The following OLA1 variants were observed in gnomAD, a reference collection of about 807,000 sequenced individuals.
The protein encoded by OLA1 is Obg like ATPase 1.
In OLA1, 14 loss-of-function variants were observed where a neutral mutation model predicts 48.4. The ratio of observed to expected loss-of-function variants is 0.29; its 90% CI spans 0.19 to 0.45. The LOEUF is 0.45. Among genes scored for constraint, OLA1 ranks in the 20% least tolerant of loss-of-function variants. OLA1 has a pLI of 1.00. For synonymous variants in OLA1, 127 were observed against 150.4 expected, an observed-to-expected ratio of 0.84 and a Z score of 1.14; for missense variants, 325 against 467.1, an observed-to-expected ratio of 0.70 and a Z score of 2.80.
At chr2:174,144,944 AAAAAAAAATATATAT>A (rs1293623509) in intron 4 of OLA1, among the ~76,000 whole-genome samples, 4 of 76,344 alleles carry the variant, frequency 5.2e-5, no homozygotes, top group South Asian at 5.8e-4. Context: ...AAAAAAAAAA[AAAAAAAAATATATAT>A]ATATATATAT....
In OLA1 at chr2:174,141,962, T is replaced by G; in HGVS notation, c.412A>C (p.Ser138Arg). 1 of 1,613,286 alleles carries G rather than the reference T, an allele frequency of 6.2e-7. No individual in the cohort carries two copies. Among genetic ancestry groups the G allele is most frequent in the Non-Finnish European group, 8.5e-7 (1 of 1,179,754 alleles). Residue 138 changes from serine to arginine, a missense_variant, in exon 5 of 11, where the codon AGT becomes CGT. Ser to Arg is a moderately radical substitution (Grantham distance 110). Coordinates refer to ENST00000284719, the MANE Select transcript of OLA1 (RefSeq NM_013341.5). The stretch of plus-strand genomic sequence containing the variant: ...TCTATATCTCGAATAGGATCTACAC[T>G]TCCTTCAACGTGCGTGATATCATCA... ...EDDDITHVEG[S>R]VDPIRDIEII... is the part of the protein sequence containing the mutation.
At chr2:174,108,267 T>G (rs1408814502) in intron 7 of OLA1, among the ~76,000 whole-genome samples, 1 of 152,116 alleles carries the variant, frequency 6.6e-6, no homozygotes, top group Non-Finnish European at 1.5e-5. Context: ...ATACTTATTT[T>G]CAAAATCGTT....
intron 4 of OLA1, among the ~76,000 whole-genome samples, chr2:174,191,026 T>G (rs1053928750): frequency 1.1e-4 from 15 of 141,862 alleles, no homozygotes; most frequent in African/African-American, 4.0e-4. Context: ...ACAAGAAGAA[T>G]CCATTCAAGA....
intron 4 of OLA1, among the ~76,000 whole-genome samples, chr2:174,146,317 C>G (rs1013566751): frequency 1.3e-5 from 2 of 152,074 alleles, no homozygotes; most frequent in African/African-American, 4.8e-5. Context: ...TTAAAGAGGA[C>G]ACTTTAGCTA....
intron 4 of OLA1, among the ~76,000 whole-genome samples, chr2:174,170,388 A>G (rs1483293056): frequency 1.3e-5 from 2 of 152,262 alleles, no homozygotes; most frequent in Non-Finnish European, 2.9e-5. Context: ...ATGAATATTA[A>G]AATAAAATCC....
intron 4 of OLA1, among the ~76,000 whole-genome samples, chr2:174,181,681 G>A (rs1056248541): frequency 8.5e-5 from 13 of 152,180 alleles, no homozygotes; most frequent in African/African-American, 1.4e-4. Context: ...TCAGCTTCAC[G>A]GCACTCGCAT....
intron 4 of OLA1, among the ~76,000 whole-genome samples, chr2:174,150,286 A>G (rs1038028127): frequency 5.9e-5 from 9 of 152,178 alleles, no homozygotes; most frequent in African/African-American, 1.2e-4. Flanking sequence ...TATGAGCTCC[A>G]CCACCATATG....
intron 7 of OLA1, among the ~76,000 whole-genome samples, chr2:174,113,393 TATA>T (rs1323089530): frequency 1.3e-5 from 2 of 152,230 alleles, no homozygotes; most frequent in Admixed American, 1.3e-4. Context: ...GGCAATTTCA[TATA>T]ATTTTTAATT....
intron 4 of OLA1, among the ~76,000 whole-genome samples, chr2:174,192,646 A>G (rs1351887654): frequency 3.3e-5 from 5 of 152,218 alleles, no homozygotes; most frequent in African/African-American, 1.2e-4. Context: ...ATCTGCCTGA[A>G]GAACTTGCTT....
chr2:174,130,323 T>C (rs971374951), intron 5 of OLA1, among the ~76,000 whole-genome samples: 1 of 152,218 alleles, frequency 6.6e-6, no homozygotes, highest in African/African-American at 2.4e-5. Context: ...TGAATGGAAC[T>C]AGCAGTAATG....
At chr2:174,107,130 T>C (rs1685531234) in intron 7 of OLA1, among the ~76,000 whole-genome samples, 1 of 152,278 alleles carries the variant, frequency 6.6e-6, no homozygotes, top group South Asian at 2.1e-4. Context: ...AGCTCCAGTT[T>C]AGAATGTGAA....
chr2:174,127,871 C>T (rs910569456), intron 5 of OLA1, among the ~76,000 whole-genome samples: 8 of 151,864 alleles, frequency 5.3e-5, no homozygotes, highest in Non-Finnish European at 8.8e-5. Context: ...AAAAATTCCA[C>T]CTTTTATAAT....
intron 7 of OLA1, among the ~76,000 whole-genome samples, chr2:174,117,499 C>T (rs1238825509): frequency 2.0e-5 from 3 of 152,124 alleles, no homozygotes; most frequent in Admixed American, 2.0e-4. Context: ...TTTTAGGATT[C>T]GTTTTCTTTA....
At chr2:174,110,302 ATTTT>A (rs575026912) in intron 7 of OLA1, among the ~76,000 whole-genome samples, 16 of 113,858 alleles carry the variant, frequency 1.4e-4, no homozygotes, top group Admixed American at 3.8e-4. Context: ...CCATGCTTGG[ATTTT>A]TTTTTTTTTT....
intron 4 of OLA1, among the ~76,000 whole-genome samples, chr2:174,207,171 T>G (rs931553682): frequency 2.6e-5 from 4 of 152,218 alleles, no homozygotes; most frequent in Admixed American, 1.3e-4. Flanking sequence ...ACCTTCTCAT[T>G]TAGCAGTTCA....
At chr2:174,231,386 A>G (rs1352373491) in intron 2 of OLA1, among the ~76,000 whole-genome samples, 1 of 152,228 alleles carries the variant, frequency 6.6e-6, no homozygotes, top group African/African-American at 2.4e-5. Flanking sequence ...AAGACAAAAT[A>G]AAATGCTATT....
chr2:174,078,964 T>C lies in OLA1; in HGVS notation c.1089+4A>G. 6.3e-7 allele frequency: 1 copy of C among 1,597,594 alleles called. No homozygotes were observed. The highest frequency in any genetic ancestry group is 1.1e-5 in the South Asian group (1 of 88,172). ...GAAATACAAAAATAAAAACAATTCT[T>C]TACCTTGACTGCATTTTCAGAACCT... On this transcript the variant is annotated splice_donor_region_variant and intron_variant, in intron 10 of 10. Transcript: ENST00000284719.
chr2:174,095,720 T>C (rs1048086122), intron 7 of OLA1, among the ~76,000 whole-genome samples: 1 of 152,136 alleles, frequency 6.6e-6, no homozygotes, highest in Non-Finnish European at 1.5e-5. Flanking sequence ...CAAAAGATAC[T>C]ATCAAGAAAG....
chr2:174,150,171 C>T (rs1200858087), intron 4 of OLA1, among the ~76,000 whole-genome samples: 1 of 152,186 alleles, frequency 6.6e-6, no homozygotes, highest in Non-Finnish European at 1.5e-5. Flanking sequence ...GTCATGAGGG[C>T]TCTGCCCCCA....
Sources: allele counts gnomAD v4.1 joint callset (sites outside exome capture counted in the v4.1 genomes callset), GRCh38; gene constraint gnomAD v4.1.1; transcripts MANE v1.5; gene names NCBI Gene and HGNC (gene_info 2026-07-23, HGNC 2026-07-21).